The following COLGALT2 variants were observed in gnomAD, a reference collection of about 807,000 sequenced individuals.
The protein encoded by COLGALT2 is procollagen galactosyltransferase 2.
COLGALT2 carries 49 observed loss-of-function variants against 73.4 expected under a neutral mutation model. The ratio of observed to expected loss-of-function variants is 0.67; its 90% CI spans 0.53 to 0.85. The LOEUF (loss-of-function observed/expected upper bound fraction) is 0.85. Ranked by LOEUF, COLGALT2 falls within the 40% of genes least tolerant of loss-of-function variation. The pLI is 0.00. For missense variants in COLGALT2, 722 were observed against 790.2 expected, an observed-to-expected ratio of 0.91 and a Z score of 1.03; for synonymous variants, 295 against 307.6, an observed-to-expected ratio of 0.96 and a Z score of 0.43.
intron 1 of COLGALT2, among the ~76,000 whole-genome samples, chr1:183,999,478 A>G (rs1483618794): frequency 1.3e-5 from 2 of 152,116 alleles, no homozygotes; most frequent in African/African-American, 4.8e-5. Context: ...CACGAAATAA[A>G]TTGGAAAAAG....
At position 183,948,629 on chromosome 1, in the gene COLGALT2, C is replaced by T. The variant is rs576443798; in HGVS notation, c.1136+2378G>A. On this transcript the variant is annotated intron_variant, in intron 8 of 11. Coordinates refer to ENST00000361927, the MANE Select transcript of COLGALT2 (RefSeq NM_015101.4). ...CAATTAACATCATACTTAGCAGTGACGGACTGAATGCTTTCCCTCTAAGAT... is the reference window on the plus strand; with the variant it reads ...CAATTAACATCATACTTAGCAGTGATGGACTGAATGCTTTCCCTCTAAGAT... 1.4e-3 allele frequency among the ~76,000 whole-genome samples: 218 copies of T among 152,296 alleles called. 1 individual carries two copies. The highest frequency in any genetic ancestry group is 2.6e-3 in the African/African-American group (110 of 41,576).
At chr1:183,965,992 A>G (rs1325462284) in intron 5 of COLGALT2, among the ~76,000 whole-genome samples, 2 of 152,246 alleles carry the variant, frequency 1.3e-5, no homozygotes, top group Non-Finnish European at 2.9e-5. Context: ...AGAGTCAACA[A>G]ATAATGCCCA....
chr1:183,998,514 T>C (rs1374282385), intron 1 of COLGALT2, among the ~76,000 whole-genome samples: 1 of 152,180 alleles, frequency 6.6e-6, no homozygotes, highest in African/African-American at 2.4e-5. Context: ...TGATAGAAAG[T>C]CCCCTCATCT....
chr1:183,959,331 T>G (rs966571266), intron 6 of COLGALT2, among the ~76,000 whole-genome samples: 1 of 152,200 alleles, frequency 6.6e-6, no homozygotes, highest in Admixed American at 6.5e-5. Context: ...AACTCCAGAC[T>G]TATATATCCA....
chr1:184,037,154 C>A lies in COLGALT2; in HGVS notation c.204G>T (p.Leu68=). The change falls in exon 1 of 12, where the codon CTG becomes CTT. Residue 68 remains leucine, a synonymous_variant. Coordinates refer to ENST00000361927, the MANE Select transcript of COLGALT2 (RefSeq NM_015101.4). ...GCTCCAGGCAGCCGAGGAAGTGCGG[C>A]AGCGTGTGCGCCGCGTTGCGGGCGA... ...AVLARNAAHT[L]PHFLGCLERL... The A allele has an allele frequency of 6.2e-7, 1 of 1,601,844 alleles. No homozygotes were observed. Among genetic ancestry groups the A allele is most frequent in the Non-Finnish European group, 8.5e-7 (1 of 1,175,872 alleles).
Position 184,037,542 on chromosome 1 carries a change from G to C in COLGALT2, c.-185C>G, listed in dbSNP as rs1327457588. ...CGGTTCCCAGGACCCTCCCGCCGCC[G>C]CTGCACCGCCCAGGCCCCAGTGCGG... On this transcript the variant is annotated 5_prime_UTR_variant, in exon 1 of 12. Transcript: ENST00000361927. 1.8e-6 allele frequency: 2 copies of C among 1,129,670 alleles called. No individual in the cohort carries two copies. The highest frequency in any genetic ancestry group is 3.3e-5 in the African/African-American group (2 of 60,894). 70.0% of individuals were successfully genotyped at this position (1,129,670 alleles called of 1,614,324 possible).
chr1:183,974,885 AC>A (rs1225013088), intron 3 of COLGALT2, among the ~76,000 whole-genome samples: 8 of 152,262 alleles, frequency 5.3e-5, no homozygotes, highest in African/African-American at 1.9e-4. Flanking sequence ...TTCTTCACTT[AC>A]CCACTGAAAA....
intron 1 of COLGALT2, among the ~76,000 whole-genome samples, chr1:184,011,646 A>G (rs968730512): frequency 6.6e-6 from 1 of 152,142 alleles, no homozygotes; most frequent in Non-Finnish European, 1.5e-5. Context: ...TCTCTTAGTA[A>G]TTCAAGGGGT....
chr1:183,934,420 T>A (rs1669906525), downstream of COLGALT2, among the ~76,000 whole-genome samples: 1 of 152,080 alleles, frequency 6.6e-6, no homozygotes, highest in South Asian at 2.1e-4. Context: ...CTGGCCTTCC[T>A]CCCTCAGCTG....
At chr1:183,984,911 G>A (rs1671447531) in intron 1 of COLGALT2, among the ~76,000 whole-genome samples, 1 of 152,146 alleles carries the variant, frequency 6.6e-6, no homozygotes, top group South Asian at 2.1e-4. Context: ...AGGTCAACAG[G>A]TGCACTGTCA....
chr1:184,036,078 T>C (rs1197511411), intron 1 of COLGALT2, among the ~76,000 whole-genome samples: 1 of 152,108 alleles, frequency 6.6e-6, no homozygotes, highest in East Asian at 1.9e-4. Flanking sequence ...CAGAAATTGC[T>C]CCAGAGTGAC....
intron 7 of COLGALT2, among the ~76,000 whole-genome samples, chr1:183,952,130 T>C (rs1401623339): frequency 6.6e-6 from 1 of 151,898 alleles, no homozygotes; most frequent in East Asian, 1.9e-4. Context: ...TAATGAACCA[T>C]AGAAGTATCT....
chr1:184,037,108 T>A lies in COLGALT2; in HGVS notation c.250A>T (p.Arg84Trp), dbSNP rs963910420. ...GTGCGCGCTCACCAGATGGCCATCC[T>A]GCTCTTGGGGTAGTCCAGCCGCTCC... ...CLERLDYPKS[R>W]MAIWAATDHN... Residue 84 changes from arginine to tryptophan, a missense_variant, in exon 1 of 12, where the codon AGG becomes TGG. By Grantham distance (101) the Arg-to-Trp change is moderately radical. Transcript: ENST00000361927. The A allele has an allele frequency of 1.3e-6, 2 of 1,583,168 alleles. No individual in the cohort carries two copies. The highest frequency in any genetic ancestry group is 2.8e-5 in the African/African-American group (2 of 71,554).
intron 1 of COLGALT2, among the ~76,000 whole-genome samples, chr1:184,021,774 CTATT>C (rs1294148941): frequency 6.6e-6 from 1 of 152,206 alleles, no homozygotes; most frequent in Non-Finnish European, 1.5e-5. Context: ...GTTTTACTAT[CTATT>C]TAGTTGAGAA....
chr1:183,966,656 C>G (rs553238809), intron 5 of COLGALT2, among the ~76,000 whole-genome samples: 1 of 152,350 alleles, frequency 6.6e-6, no homozygotes, highest in Non-Finnish European at 1.5e-5. Context: ...TCACTCACCT[C>G]TTTTGACTCA....
rs375597392 is a variant in COLGALT2 at position 183,991,812 on chromosome 1, A to G, written c.264-13292T>C. Among the ~76,000 whole-genome samples the G allele has an allele frequency of 2.6e-3, 393 of 152,062 alleles. 8 individuals carry two copies. The South Asian group carries it at 0.033, about 13-fold the overall frequency. On this transcript the variant is annotated intron_variant, in intron 1 of 11. Transcript: ENST00000361927. ...TCATATTTTTGAGGAGTCTTGAGTTATTTTACTTAGTCGTAGTGTCAGGGC... is the reference window on the plus strand; with the variant it reads ...TCATATTTTTGAGGAGTCTTGAGTTGTTTTACTTAGTCGTAGTGTCAGGGC...
chr1:183,989,343 G>A (rs1437650801), intron 1 of COLGALT2, among the ~76,000 whole-genome samples: 1 of 152,222 alleles, frequency 6.6e-6, no homozygotes, highest in Non-Finnish European at 1.5e-5. Flanking sequence ...GTGCCTGGCA[G>A]GGCAATGCTA....
At chr1:183,992,732 T>C (rs892506163) in intron 1 of COLGALT2, among the ~76,000 whole-genome samples, 2 of 152,208 alleles carry the variant, frequency 1.3e-5, no homozygotes, top group African/African-American at 4.8e-5. Flanking sequence ...CCAGATTTCA[T>C]CTGGTGACTT....
rs1034491365 is a variant in COLGALT2, at chr1:184,013,797, G to A, written c.263+23298C>T. 5.9e-5 allele frequency among the ~76,000 whole-genome samples: 9 copies of A among 152,212 alleles called. No homozygotes were observed. The East Asian group carries it at 1.2e-3, about 20-fold the overall frequency. The stretch of plus-strand genomic sequence containing the variant: ...GCAATCCATTAGGAAATGGGAGATG[G>A]CGGTGACTTGAACTAAGGAAGTGGC... On this transcript the variant is annotated intron_variant, in intron 1 of 11. Coordinates refer to ENST00000361927, the MANE Select transcript of COLGALT2 (RefSeq NM_015101.4).
Sources: allele counts gnomAD v4.1 joint callset (sites outside exome capture counted in the v4.1 genomes callset), GRCh38; gene constraint gnomAD v4.1.1; transcripts MANE v1.5; gene names NCBI Gene and HGNC (gene_info 2026-07-23, HGNC 2026-07-21).